Variants in MGRN1 observed in about 807,000 individuals in gnomAD.
The protein encoded by MGRN1 is mahogunin ring finger 1, also known as E3 ubiquitin-protein ligase MGRN1.
Under a neutral mutation model 69.2 loss-of-function variants are expected in MGRN1, and 29 were observed. The ratio of observed to expected loss-of-function variants is 0.42; its 90% CI spans 0.31 to 0.57. MGRN1 has a LOEUF of 0.57. MGRN1 is among the 20% of genes least tolerant of loss of function. The pLI is 0.15. For missense variants in MGRN1, 998 were observed against 796.2 expected (o/e 1.25, Z -3.05); for synonymous variants, 470 against 344.2 (o/e 1.37, Z -4.04).
intron 10 of MGRN1, among the ~76,000 whole-genome samples, chr16:4,674,323 C>G (rs529435071): frequency 1.1e-4 from 17 of 152,120 alleles, no homozygotes; most frequent in Non-Finnish European, 2.5e-4. Context: ...GAGTCTCGCT[C>G]TGTCACCCAG....
chr16:4,632,093 C>T (rs1435913159), intron 1 of MGRN1, among the ~76,000 whole-genome samples: 3 of 147,004 alleles, frequency 2.0e-5, no homozygotes, highest in Non-Finnish European at 4.5e-5. Flanking sequence ...TGACTCACTC[C>T]AACCTCTGCC....
At chr16:4,629,962 C>A (rs1897912930) in intron 1 of MGRN1, among the ~76,000 whole-genome samples, 1 of 146,628 alleles carries the variant, frequency 6.8e-6, no homozygotes, top group Non-Finnish European at 1.5e-5. Flanking sequence ...AGGAGAATTG[C>A]TTGAACCTGG....
At position 4,671,538 on chromosome 16, in the gene MGRN1, G is replaced by T. The variant is rs2078937330; in HGVS notation, c.795+79G>T. 5 of 1,375,702 alleles carry T rather than the reference G, an allele frequency of 3.6e-6. No individual in the cohort carries two copies. The Admixed American group carries it at 5.1e-5, about 14-fold the overall frequency. The allele number at this position is 1,375,702 out of a possible 1,614,324, so 85.2% of individuals were successfully genotyped here. On this transcript the variant is annotated intron_variant, in intron 9 of 16. Coordinates refer to ENST00000262370, the MANE Select transcript of MGRN1 (RefSeq NM_015246.4). ...CAGCCGCGGACAGCAATGCTTGCCG[G>T]TTCCCTTCCATGCCTTCCCCTGGAG...
chr16:4,642,130 T>TTC (rs1339581219), intron 1 of MGRN1, among the ~76,000 whole-genome samples: 2 of 145,220 alleles, frequency 1.4e-5, no homozygotes, highest in East Asian at 2.0e-4. Context: ...CTTGGTTCCT[T>TTC]TTTTTTTTTT....
chr16:4,650,107 A>G (rs1332209086), intron 1 of MGRN1: 3 of 316,868 alleles, frequency 9.5e-6, no homozygotes, highest in Non-Finnish European at 1.8e-5. Context: ...ATTGGAGACC[A>G]TCCTGGCCAA....
chr16:4,679,177 T>C (rs899346420), intron 11 of MGRN1, among the ~76,000 whole-genome samples: 1 of 152,198 alleles, frequency 6.6e-6, no homozygotes, highest in Non-Finnish European at 1.5e-5. Context: ...AAGCAGCCCC[T>C]GAGGGATTTG....
chr16:4,624,838 C>A lies in MGRN1; in HGVS notation c.-123C>A. On this transcript the variant is annotated 5_prime_UTR_variant, in exon 1 of 17. Coordinates refer to ENST00000262370, the MANE Select transcript of MGRN1 (RefSeq NM_015246.4). ...CCGAGCCGGGGGTGGGGGCTCGAGG[C>A]GCCTCCGCGGCCGTGGACGAGCGTC... The A allele has an allele frequency of 2.7e-6, 2 of 737,000 alleles. No homozygotes were observed. Among genetic ancestry groups the A allele is most frequent in the Non-Finnish European group, 1.9e-6 (1 of 521,332 alleles). 45.7% of individuals were successfully genotyped at this position (737,000 alleles called of 1,614,324 possible). A position where few individuals can be genotyped will look rare whatever the true frequency, so the allele number is the denominator to read the frequency against.
chr16:4,650,471 C>T lies in MGRN1; in HGVS notation c.195C>T (p.Ser65=). 6.2e-7 allele frequency: 1 copy of T among 1,613,442 alleles called. No homozygotes were observed. The change falls in exon 2 of 17, where the codon AGC becomes AGT. Residue 65 remains serine (S), a synonymous_variant. Coordinates refer to ENST00000262370, the MANE Select transcript of MGRN1 (RefSeq NM_015246.4). The part of the protein sequence containing the change: ...GENMDLNFLG[S]RPVQFPYVTP... ...ACATGGATCTGAACTTCCTGGGCAG[C>T]CGCCCGGTCCAGGTGGGTCTGGACA... is the stretch of plus-strand genomic sequence containing the variant.
intron 1 of MGRN1, among the ~76,000 whole-genome samples, chr16:4,648,188 T>C (rs1022238716): frequency 6.6e-6 from 1 of 152,156 alleles, no homozygotes; most frequent in African/African-American, 2.4e-5. Context: ...ATTCTGAGCA[T>C]CCTTGAAATC....
intron 5 of MGRN1, among the ~76,000 whole-genome samples, chr16:4,663,829 C>T (rs1228983897): frequency 2.6e-5 from 4 of 152,194 alleles, no homozygotes; most frequent in Admixed American, 6.5e-5. Flanking sequence ...CTGCTGGGGC[C>T]CTGGGGGCCG....
At chr16:4,686,316 C>A in intron 16 of MGRN1, 2 of 1,543,316 alleles carry the variant, frequency 1.3e-6, no homozygotes, top group Admixed American at 2.0e-5. Context: ...ACGTGACCTC[C>A]CAGACGCGCT....
In MGRN1 at chr16:4,652,582, A is replaced by G. The variant is rs1796992322; in HGVS notation, c.297-96A>G. ...CTGGAGAAGCGGGCTGTGTCCACAT[A>G]GCCACCTCCACGGCCCCTCAGCCTG... On this transcript the variant is annotated intron_variant, in intron 3 of 16. Coordinates refer to ENST00000262370, the MANE Select transcript of MGRN1 (RefSeq NM_015246.4). 3 of 1,444,338 alleles carry G rather than the reference A, an allele frequency of 2.1e-6. No homozygotes were observed. In the Admixed American group the frequency reaches 7.5e-5, roughly 36 times the overall value. 89.5% of individuals were successfully genotyped at this position (1,444,338 alleles called of 1,614,324 possible). A position where few individuals can be genotyped will look rare whatever the true frequency, so the allele number is the denominator to read the frequency against.
chr16:4,661,920 C>T (rs1374423875), intron 5 of MGRN1, among the ~76,000 whole-genome samples: 2 of 152,184 alleles, frequency 1.3e-5, no homozygotes, highest in Non-Finnish European at 2.9e-5. Flanking sequence ...ACTCTTAGCT[C>T]CAGATGGCAG....
intron 1 of MGRN1, among the ~76,000 whole-genome samples, chr16:4,628,124 C>T (rs1455115548): frequency 2.0e-5 from 3 of 148,644 alleles, no homozygotes; most frequent in Non-Finnish European, 4.4e-5. Flanking sequence ...CGGTGGCTCA[C>T]GCCTGTAATC....
chr16:4,672,300 G>A, intron 9 of MGRN1: 1 of 455,544 alleles, frequency 2.2e-6, no homozygotes, highest in Non-Finnish European at 4.4e-6. Flanking sequence ...GCCTGCCTCA[G>A]CCTCCCAAAG....
intron 9 of MGRN1, chr16:4,672,521 G>T (rs1170547245): frequency 2.2e-6 from 1 of 451,332 alleles, no homozygotes; most frequent in Admixed American, 2.4e-5. Context: ...AGGGAAGTCA[G>T]TGCATTCATG....
In MGRN1 at chr16:4,681,605, A is replaced by G. The variant is rs377648839; in HGVS notation, c.1187A>G (p.Asn396Ser). Residue 396 changes from asparagine (N) to serine (S), a missense_variant, in exon 13 of 17, where the codon AAC (asparagine) becomes AGC (serine). Transcript: ENST00000262370. ...CCCATCTCGCTGCTCGAGGCGCTCAACGGCCTCCGGGCTGTCTCCCCGGCC... is the reference window on the plus strand; with the variant it reads ...CCCATCTCGCTGCTCGAGGCGCTCAGCGGCCTCCGGGCTGTCTCCCCGGCC... Reference protein sequence around the residue: ...YEPISLLEALNGLRAVSPAIP... With the variant: ...YEPISLLEALSGLRAVSPAIP... 16 of 1,613,410 alleles carry G rather than the reference A, an allele frequency of 9.9e-6. No individual in the cohort carries two copies. The highest frequency in any genetic ancestry group is 2.2e-5 in the South Asian group (2 of 91,090).
At chr16:4,684,617 T>G (rs1324853988) in intron 16 of MGRN1, among the ~76,000 whole-genome samples, 1 of 152,242 alleles carries the variant, frequency 6.6e-6, no homozygotes, top group Admixed American at 6.5e-5. Context: ...TTCTCACCTT[T>G]CCCGGAGGCT....
intron 11 of MGRN1, among the ~76,000 whole-genome samples, chr16:4,678,428 C>T (rs1444091592): frequency 6.6e-6 from 1 of 151,324 alleles, no homozygotes. Flanking sequence ...GACACAGAGA[C>T]AGGATGAGAG....
Sources: allele counts gnomAD v4.1 joint callset (sites outside exome capture counted in the v4.1 genomes callset), GRCh38; gene constraint gnomAD v4.1.1; transcripts MANE v1.5; gene names NCBI Gene and HGNC (gene_info 2026-07-23, HGNC 2026-07-21).